The following GPR179 variants were observed in gnomAD, a reference collection of about 807,000 sequenced individuals.
GPR179 encodes probable G protein-coupled receptor 179.
GPR179 carries 52 observed loss-of-function variants against 70.8 expected under a neutral mutation model. That is an observed-to-expected ratio of 0.73 (90% CI 0.59 to 0.93). The LOEUF is 0.93. GPR179 is among the 40% of genes least tolerant of loss of function. The probability of loss-of-function intolerance (pLI) is 0.00; values close to 1 mark genes in which losing one functional copy is unlikely to be tolerated. For synonymous variants in GPR179, 1,123 were observed against 1,169.0 expected, an observed-to-expected ratio of 0.96 and a Z score of 0.80; for missense variants, 2,734 against 2,966.8, an observed-to-expected ratio of 0.92 and a Z score of 1.82.
At chr17:38,335,568 G>T (rs1432883075) in intron 6 of GPR179, 23 bp downstream of exon 6, 2 of 1,537,098 alleles carry the variant, frequency 1.3e-6, no homozygotes, top group Admixed American at 3.3e-5. Flanking sequence ...CAGCATGAGA[G>T]CAAAGTCTGC....
chr17:38,337,425 T>C (rs879296157), intron 3 of GPR179, among the ~76,000 whole-genome samples: 6 of 152,144 alleles, frequency 3.9e-5, no homozygotes, highest in Non-Finnish European at 8.8e-5. Context: ...ACTTGCATCA[T>C]ATTTGCATGT....
intron 1 of GPR179, 111 bp downstream of exon 1, chr17:38,342,885 C>A (rs530087866): frequency 1.9e-6 from 2 of 1,040,590 alleles, no homozygotes; most frequent in African/African-American, 1.6e-5. Context: ...TCTGTGTGCC[C>A]CCCAGGCATG....
chr17:38,337,794 G>T, intron 2 of GPR179, 74 bp from the exon 3 acceptor site: 1 of 1,328,646 alleles, frequency 7.5e-7, no homozygotes, highest in Non-Finnish European at 1.1e-6. Context: ...TGGGAGAGAT[G>T]GAGGGTCCAT....
Position 38,329,596 on chromosome 17 carries a change from T to C in GPR179, c.3973A>G (p.Ser1325Gly), listed in dbSNP as rs1387091224. ...REQEAVCPWESADRGGLSPGS... is the reference protein window; with the variant it reads ...REQEAVCPWEGADRGGLSPGS... ...GGGGACAGACCTCCTCGATCGGCAC[T>C]CTCCCAGGGACACACTGCTTCCTGC... The change falls in exon 11 of 11, where the codon AGT (serine) becomes GGT (glycine). Residue 1325 changes from serine (S) to glycine (G), a missense_variant. Ser to Gly is a moderately conservative substitution (Grantham distance 56). Coordinates refer to ENST00000616987, the MANE Select transcript of GPR179 (RefSeq NM_001004334.4). 5 of 1,613,636 alleles carry C rather than the reference T, an allele frequency of 3.1e-6. No individual in the cohort carries two copies. Among genetic ancestry groups the C allele is most frequent in the Non-Finnish European group, 4.2e-6 (5 of 1,179,972 alleles).
At chr17:38,341,757 A>T (rs1400065936) in intron 1 of GPR179, among the ~76,000 whole-genome samples, 1 of 152,110 alleles carries the variant, frequency 6.6e-6, no homozygotes. Flanking sequence ...TGCTTGGTTT[A>T]AGAAGATGGC....
chr17:38,326,814 T>C lies in GPR179; in HGVS notation c.6755A>G (p.Glu2252Gly), dbSNP rs2037290728. Residue 2252 changes from glutamate (E) to glycine (G), a missense_variant, in exon 11 of 11, where the codon GAG becomes GGG. Transcript: ENST00000616987. ...TGTTAAAGCCAGGAGGCCAGATTCC[T>C]CAGATGGGACTCCAGTTTCCTCCCC... Reference protein sequence around the residue: ...CPGEETGVPSEESGLLALTAT... With the variant: ...CPGEETGVPSGESGLLALTAT... 2 of 1,614,088 alleles carry C rather than the reference T, an allele frequency of 1.2e-6. No individual in the cohort carries two copies. Among genetic ancestry groups the C allele is most frequent in the African/African-American group, 2.7e-5 (2 of 74,940 alleles).
rs895807376 is a variant in GPR179 at position 38,330,514 on chromosome 17, G to A, written c.3055C>T (p.His1019Tyr). 5 of 1,553,396 alleles carry A rather than the reference G, an allele frequency of 3.2e-6. No homozygotes were observed. In the Admixed American group the frequency reaches 5.9e-5, roughly 18 times the overall value. ...QEGPSGPERG[H>Y]HSPAPARARL... is the part of the protein sequence containing the mutation. ...GCTCGAGCTGGGGCAGGGGAGTGGT[G>A]GCCTCGCTCTGGCCCTGAGGGGCCT... is the stretch of plus-strand genomic sequence containing the variant. The change falls in exon 11 of 11, where the codon CAC becomes TAC. Residue 1019 changes from histidine to tyrosine, a missense_variant. Transcript: ENST00000616987.
At chr17:38,342,905 G>C (rs367993014) in intron 1 of GPR179, 91 bp downstream of exon 1, 3 of 1,274,412 alleles carry the variant, frequency 2.4e-6, no homozygotes, top group Non-Finnish European at 2.2e-6. Context: ...GCACATGTTC[G>C]TGCCAAATGG....
chr17:38,329,532 T>C lies in GPR179; in HGVS notation c.4037A>G (p.Lys1346Arg). The change falls in exon 11 of 11, where the codon AAA becomes AGA. Residue 1346 changes from lysine to arginine, a missense_variant. Coordinates refer to ENST00000616987, the MANE Select transcript of GPR179 (RefSeq NM_001004334.4). ...APQDPGRIRDKSEAGDSVEAR... is the reference protein window; with the variant it reads ...APQDPGRIRDRSEAGDSVEAR... ...CTCCACACTGTCCCCCGCCTCAGAT[T>C]TGTCTCTGATTCTGCCAGGGTCCTG... 6.2e-7 allele frequency: 1 copy of C among 1,614,018 alleles called. No homozygotes were observed. Among genetic ancestry groups the C allele is most frequent in the Non-Finnish European group, 8.5e-7 (1 of 1,180,010 alleles).
At position 38,343,003 on chromosome 17, in the gene GPR179, C is replaced by A. The variant is rs774964399; in HGVS notation, c.787G>T (p.Glu263Ter). 1 of 1,600,726 alleles carries A rather than the reference C, an allele frequency of 6.2e-7. No homozygotes were observed. The highest frequency in any genetic ancestry group is 1.1e-5 in the South Asian group (1 of 89,158). ...CTGCACAAACCCACTTACCTGACTT[C>A]TGGGCTGAGGTCTGGCTTGAGTCCA... The part of the protein sequence containing the change: ...FYGLKPDLSP[E>*]VRGQVQMDVD... The change falls in exon 1 of 11, where the codon GAA becomes TAA. Residue 263 changes from glutamate (E) to a stop codon, truncating the protein, a stop_gained. Coordinates refer to ENST00000616987, the MANE Select transcript of GPR179 (RefSeq NM_001004334.4). LOFTEE classifies it high-confidence loss of function. The surrounding 1 kb of genome is among the most constrained non-coding windows in gnomAD (Gnocchi z 4.2).
chr17:38,327,782 T>C lies in GPR179; in HGVS notation c.5787A>G (p.Ile1929Met). 6.2e-7 allele frequency: 1 copy of C among 1,614,182 alleles called. No homozygotes were observed. Among genetic ancestry groups the C allele is most frequent in the African/African-American group, 1.3e-5 (1 of 75,048 alleles). Residue 1929 changes from isoleucine to methionine, a missense_variant, in exon 11 of 11, where the codon ATA becomes ATG. By Grantham distance (10) the Ile-to-Met change is conservative. Coordinates refer to ENST00000616987, the MANE Select transcript of GPR179 (RefSeq NM_001004334.4). The part of the protein sequence containing the change: ...DPKTGSFPEH[I>M]TQEKAPAADT... ...CTGCAGCTGGAGCTTTTTCTTGGGT[T>C]ATGTGTTCTGGGAAGGAACCTGTCT...
chr17:38,325,984 A>G lies in GPR179; in HGVS notation c.*481T>C, dbSNP rs2037281751. ...TCTTCAGCTTTCTATGGTGGCCTTT[A>G]TAGCCTTCTGTGGTCCACCATCCCT... On this transcript the variant is annotated 3_prime_UTR_variant, in exon 11 of 11. Transcript: ENST00000616987. 1 of 156,572 alleles carries G rather than the reference A, an allele frequency of 6.4e-6. No homozygotes were observed. The highest frequency in any genetic ancestry group is 2.4e-5 in the African/African-American group (1 of 41,620). The allele number at this position is 156,572 out of a possible 1,614,324, so 9.7% of individuals were successfully genotyped here. A position where few individuals can be genotyped will look rare whatever the true frequency, so the allele number is the denominator to read the frequency against.
chr17:38,332,784 A>G (rs1271207808), intron 10 of GPR179, among the ~76,000 whole-genome samples: 1 of 152,168 alleles, frequency 6.6e-6, no homozygotes, highest in Non-Finnish European at 1.5e-5. Flanking sequence ...TAATTTTTGT[A>G]TTTCTAGTAG....
At chr17:38,339,273 C>A in intron 2 of GPR179, 144 bp downstream of exon 2, 1 of 594,054 alleles carries the variant, frequency 1.7e-6, no homozygotes, top group Non-Finnish European at 3.0e-6. Flanking sequence ...TATCTCACCT[C>A]TGCCAATCAC....
rs570632657 is a variant in GPR179, at chr17:38,330,597, T to G, written c.2972A>C (p.Tyr991Ser). Residue 991 changes from tyrosine (Y) to serine (S), a missense_variant, in exon 11 of 11, where the codon TAC (tyrosine) becomes TCC (serine). Tyr to Ser is a moderately radical substitution (Grantham distance 144, BLOSUM62 -2). Transcript: ENST00000616987. ...VSPQSPNLLT[Y>S]ICPWENAELP... ...TTCTGCGTTCTCCCAGGGGCAGATG[T>G]AGGTGAGTAAGTTGGGGCTTTGTGG... The G allele has an allele frequency of 4.4e-6, 7 of 1,580,096 alleles. No homozygotes were observed. Among genetic ancestry groups the G allele is most frequent in the Non-Finnish European group, 6.0e-6 (7 of 1,164,664 alleles).
chr17:38,334,691 A>G lies in GPR179; in HGVS notation c.1784+13T>C. On this transcript the variant is annotated intron_variant, in intron 8 of 10. Transcript: ENST00000616987. The surrounding 1 kb of genome is among the most constrained non-coding windows in gnomAD (Gnocchi z 4.7). ...GAGTGGAAGGGGGTGTGGGGAGGTG[A>G]GTCCGTCCTCACCTGGCTGTGTGGA... is the stretch of plus-strand genomic sequence containing the variant. The G allele has an allele frequency of 6.2e-7, 1 of 1,612,606 alleles. No individual in the cohort carries two copies. The highest frequency in any genetic ancestry group is 1.1e-5 in the South Asian group (1 of 91,042).
Position 38,328,095 on chromosome 17 carries a change from C to T in GPR179, c.5474G>A (p.Gly1825Glu), listed in dbSNP as rs2037307977. The change falls in exon 11 of 11, where the codon GGA (glycine) becomes GAA (glutamate). Residue 1825 changes from glycine (G) to glutamate (E), a missense_variant. By Grantham distance (98) the Gly-to-Glu change is moderately conservative (BLOSUM62 -2). Transcript: ENST00000616987. ...AKICPWEVSEGTTGKGLDQKA... is the reference protein window; with the variant it reads ...AKICPWEVSEETTGKGLDQKA... ...TTGGTCCAATCCCTTCCCAGTAGTT[C>T]CTTCACTTACCTCCCAGGGACAGAT... is the stretch of plus-strand genomic sequence containing the variant. The T allele has an allele frequency of 1.8e-5, 29 of 1,614,134 alleles. No individual in the cohort carries two copies. Among genetic ancestry groups the T allele is most frequent in the Non-Finnish European group, 2.4e-5 (28 of 1,180,018 alleles).
chr17:38,328,989 T>G lies in GPR179; in HGVS notation c.4580A>C (p.Lys1527Thr). Residue 1527 changes from lysine (K) to threonine (T), a missense_variant, in exon 11 of 11, where the codon AAA becomes ACA. By Grantham distance (78) the Lys-to-Thr change is moderately conservative. Coordinates refer to ENST00000616987, the MANE Select transcript of GPR179 (RefSeq NM_001004334.4). ...MGEQTVKAVQ[K>T]LSQQQESVCP... ...AACTGACTCCTGCTGTTGACTTAATTTCTGCACTGCTTTCACAGTTTGTTC... is the reference window on the plus strand; with the variant it reads ...AACTGACTCCTGCTGTTGACTTAATGTCTGCACTGCTTTCACAGTTTGTTC... 1 of 1,614,198 alleles carries G rather than the reference T, an allele frequency of 6.2e-7. No homozygotes were observed. Among genetic ancestry groups the G allele is most frequent in the Non-Finnish European group, 8.5e-7 (1 of 1,180,022 alleles).
Position 38,336,106 on chromosome 17 carries a change from G to T in GPR179, c.1266C>A (p.Val422=), listed in dbSNP as rs1314828154. ...AGTAAAGCAGCAGGAATCCAAAAAG[G>T]ACAGTTTCCAGCAGGACCACTCCAG... ...WASGVVLLET[V]LFGFLLLYFP... Residue 422 remains valine, a synonymous_variant, in exon 5 of 11, where the codon GTC becomes GTA. Transcript: ENST00000616987. 1.9e-6 allele frequency: 3 copies of T among 1,613,504 alleles called. No individual in the cohort carries two copies. The African/African-American group carries it at 4.0e-5, about 22-fold the overall frequency.
Sources: gnomAD v4.1 joint callset for allele counts (sites outside exome capture counted in the v4.1 genomes callset) on GRCh38, gnomAD v4.1.1 for gene constraint, Gnocchi (gnomAD v3.1) non-coding constraint, MANE v1.5 for transcripts, NCBI Gene and HGNC (gene_info 2026-07-23, HGNC 2026-07-21) for gene names.